Variants in CEP41 observed in about 807,000 individuals in gnomAD.
The protein encoded by CEP41 is centrosomal protein of 41 kDa.
A neutral mutation model predicts 44.3 loss-of-function variants in CEP41; 32 were observed. That is an observed-to-expected ratio of 0.72 (90% CI 0.54 to 0.97). The LOEUF is 0.97. Ranked by LOEUF, CEP41 falls within the 50% of genes least tolerant of loss-of-function variation. The pLI, the probability that CEP41 is intolerant of heterozygous loss-of-function variation, is 0.00. For synonymous variants in CEP41, 151 were observed against 168.5 expected (o/e 0.90, Z 0.80); for missense variants, 432 against 455.2 (o/e 0.95, Z 0.46).
intron 3 of CEP41, among the ~76,000 whole-genome samples, chr7:130,413,477 A>G (rs1797244779): frequency 6.6e-6 from 1 of 151,942 alleles, no homozygotes; most frequent in Non-Finnish European, 1.5e-5. Flanking sequence ...ACTACTCCAG[A>G]GGCTGAGGCA....
At chr7:130,411,066 G>C in intron 5 of CEP41, 56 bp downstream of exon 5, 1 of 1,421,286 alleles carries the variant, frequency 7.0e-7, no homozygotes, top group Non-Finnish European at 1.0e-6. Context: ...TACAGGGTGA[G>C]TGTTTCAGTC....
At position 130,395,670 on chromosome 7, in the gene CEP41, C is replaced by T; in HGVS notation, c.*3221G>A. 2.2e-6 allele frequency: 1 copy of T among 453,914 alleles called. No individual in the cohort carries two copies. The highest frequency in any genetic ancestry group is 4.4e-6 in the Non-Finnish European group (1 of 226,764). The allele number at this position is 453,914 out of a possible 1,614,324, so 28.1% of individuals were successfully genotyped here. A position where few individuals can be genotyped will look rare whatever the true frequency, so the allele number is the denominator to read the frequency against. Reference sequence around the variant, plus strand: ...TAGCCTAGGACTCTGATTTCACTTACATTCCACAAGGGAATTAGAGAAAAC... The same window carrying T: ...TAGCCTAGGACTCTGATTTCACTTATATTCCACAAGGGAATTAGAGAAAAC... On this transcript the variant is annotated 3_prime_UTR_variant, in exon 11 of 11. Coordinates refer to ENST00000223208, the MANE Select transcript of CEP41 (RefSeq NM_018718.3).
chr7:130,438,783 C>T (rs1798052198), intron 1 of CEP41, among the ~76,000 whole-genome samples: 1 of 152,088 alleles, frequency 6.6e-6, no homozygotes, highest in Non-Finnish European at 1.5e-5. Flanking sequence ...CTCTCCCACC[C>T]CCATGATACA....
chr7:130,421,571 G>C (rs1263448173), intron 2 of CEP41: 1 of 985,058 alleles, frequency 1.0e-6, no homozygotes, highest in African/African-American at 1.7e-5. Flanking sequence ...TACAGTCAAG[G>C]CTATTAGCAA....
intron 2 of CEP41, among the ~76,000 whole-genome samples, chr7:130,418,752 A>G (rs1554421462): frequency 6.6e-6 from 1 of 152,192 alleles, no homozygotes; most frequent in African/African-American, 2.4e-5. Flanking sequence ...ATTAATCATG[A>G]GGTAAATTTG....
intron 5 of CEP41, 111 bp from the exon 6 acceptor site, chr7:130,404,819 T>C (rs1796961040): frequency 1.5e-5 from 14 of 949,102 alleles, no homozygotes; most frequent in Non-Finnish European, 2.0e-5. Flanking sequence ...CATTATTAAA[T>C]TGTCGTGGAA....
intron 1 of CEP41, among the ~76,000 whole-genome samples, chr7:130,435,529 C>T (rs28764175): frequency 0.13 from 20,046 of 152,042 alleles, 1,445 homozygotes; most frequent in African/African-American, 0.18. Flanking sequence ...AACTTAAAAC[C>T]ACAATGAGAT....
rs554856704 is a variant in CEP41, at chr7:130,395,178, G to A, written c.*3713C>T. ...CATAATAATAATTTCAATAATTATT[G>A]TAAATCTAGGAAAGTATTACTACCC... On this transcript the variant is annotated 3_prime_UTR_variant, in exon 11 of 11. Coordinates refer to ENST00000223208, the MANE Select transcript of CEP41 (RefSeq NM_018718.3). The A allele has an allele frequency of 4.4e-6, 2 of 453,026 alleles. No homozygotes were observed. The highest frequency in any genetic ancestry group is 1.6e-5 in the South Asian group (1 of 64,286). The allele number at this position is 453,026 out of a possible 1,614,324, so 28.1% of individuals were successfully genotyped here.
intron 7 of CEP41, 44 bp downstream of exon 7, chr7:130,402,604 T>C: frequency 6.2e-7 from 1 of 1,606,226 alleles, no homozygotes; most frequent in Non-Finnish European, 8.5e-7. Flanking sequence ...GAGCAGGCTC[T>C]CTGTTCTTGA....
chr7:130,397,819 G>A lies in CEP41; in HGVS notation c.*1072C>T, dbSNP rs551147986. Reference sequence around the variant, plus strand: ...TCAATTAATGCTGATTCAAAATTCCGGCCAAAACCAGAATCTATAATCACA... The same window carrying A: ...TCAATTAATGCTGATTCAAAATTCCAGCCAAAACCAGAATCTATAATCACA... On this transcript the variant is annotated 3_prime_UTR_variant, in exon 11 of 11. Coordinates refer to ENST00000223208, the MANE Select transcript of CEP41 (RefSeq NM_018718.3). 1.6e-4 allele frequency: 70 copies of A among 443,798 alleles called. No homozygotes were observed. Among genetic ancestry groups the A allele is most frequent in the Admixed American group, 2.1e-4 (9 of 42,084 alleles). 27.5% of individuals were successfully genotyped at this position (443,798 alleles called of 1,614,324 possible).
intron 1 of CEP41, 122 bp downstream of exon 1, chr7:130,440,812 C>T: frequency 9.6e-7 from 1 of 1,041,890 alleles, no homozygotes; most frequent in Non-Finnish European, 1.5e-6. Flanking sequence ...CCGACCCCTC[C>T]TCACGCCGGC....
intron 2 of CEP41, among the ~76,000 whole-genome samples, chr7:130,423,148 G>A (rs1416995252): frequency 5.9e-5 from 9 of 152,004 alleles, no homozygotes; most frequent in South Asian, 4.2e-4. Flanking sequence ...GGGTTTCACC[G>A]TATTGCCCAG....
In CEP41 at chr7:130,393,942, A is replaced by G. The variant is rs782770848; in HGVS notation, c.*4949T>C. 2.4e-5 allele frequency: 11 copies of G among 454,014 alleles called. No individual in the cohort carries two copies. Among genetic ancestry groups the G allele is most frequent in the Non-Finnish European group, 4.8e-5 (11 of 226,804 alleles). The allele number at this position is 454,014 out of a possible 1,614,324, so 28.1% of individuals were successfully genotyped here. A position where few individuals can be genotyped will look rare whatever the true frequency, so the allele number is the denominator to read the frequency against. On this transcript the variant is annotated 3_prime_UTR_variant, in exon 11 of 11. Coordinates refer to ENST00000223208, the MANE Select transcript of CEP41 (RefSeq NM_018718.3). ...CGGAAGCCCTGGAGCACCTGTCTTC[A>G]AGATAAGACAGCAGACACAGGCGGT...
At chr7:130,427,875 T>C in intron 2 of CEP41, 80 bp downstream of exon 2, 1 of 900,768 alleles carries the variant, frequency 1.1e-6, no homozygotes, top group South Asian at 1.4e-5. Context: ...CTGTGATTTA[T>C]ACCAGATATG....
At position 130,400,103 on chromosome 7, in the gene CEP41, G is replaced by A. The variant is rs1174761764; in HGVS notation, c.909C>T (p.Thr303=). The change falls in exon 10 of 11, where the codon ACC becomes ACT. Residue 303 remains threonine (T), a synonymous_variant. Transcript: ENST00000223208. The part of the protein sequence containing the change: ...PLPAENKWRF[T]PEDLKKIEYY... The stretch of plus-strand genomic sequence containing the variant: ...ATTCTATCTTTTTTAAGTCTTCTGG[G>A]GTAAATCTCCATTTATTCTCAGCTG... The A allele has an allele frequency of 6.2e-7, 1 of 1,613,560 alleles. No individual in the cohort carries two copies. The highest frequency in any genetic ancestry group is 8.5e-7 in the Non-Finnish European group (1 of 1,179,818).
chr7:130,439,015 T>C (rs561365416), intron 1 of CEP41, among the ~76,000 whole-genome samples: 237 of 152,286 alleles, frequency 1.6e-3, no homozygotes, highest in African/African-American at 5.2e-3. Context: ...TACAATATAG[T>C]TGAACTTTGG....
intron 1 of CEP41, among the ~76,000 whole-genome samples, chr7:130,437,651 T>C (rs1798007084): frequency 6.7e-6 from 1 of 150,218 alleles, no homozygotes; most frequent in Non-Finnish European, 1.5e-5. Flanking sequence ...CACACACCTG[T>C]GGTCCCAGCT....
At chr7:130,431,488 C>T (rs1699075720) in intron 1 of CEP41, among the ~76,000 whole-genome samples, 1 of 152,150 alleles carries the variant, frequency 6.6e-6, no homozygotes, top group African/African-American at 2.4e-5. Context: ...AGTGGATAAA[C>T]AGACGCCAGG....
rs150198422 is a variant in CEP41 at position 130,395,062 on chromosome 7, C to T, written c.*3829G>A. ...TTCGAAAACACATAAAATCATGCACCGAATCCTGTTCTGCCTGAATTCAAG... is the reference window on the plus strand; with the variant it reads ...TTCGAAAACACATAAAATCATGCACTGAATCCTGTTCTGCCTGAATTCAAG... On this transcript the variant is annotated 3_prime_UTR_variant, in exon 11 of 11. Coordinates refer to ENST00000223208, the MANE Select transcript of CEP41 (RefSeq NM_018718.3). 1.5e-5 allele frequency: 7 copies of T among 454,048 alleles called. No homozygotes were observed. The highest frequency in any genetic ancestry group is 2.3e-5 in the Admixed American group (1 of 42,576). The allele number at this position is 454,048 out of a possible 1,614,324, so 28.1% of individuals were successfully genotyped here.
Sources: gnomAD v4.1 joint callset for allele counts (sites outside exome capture counted in the v4.1 genomes callset) on GRCh38, gnomAD v4.1.1 for gene constraint, MANE v1.5 for transcripts, NCBI Gene and HGNC (gene_info 2026-07-23, HGNC 2026-07-21) for gene names.